Variants in CAMK2D observed in about 807,000 individuals in gnomAD.
CAMK2D encodes the protein calcium/calmodulin dependent protein kinase II delta.
A neutral mutation model predicts 84.0 loss-of-function variants in CAMK2D; 37 were observed. The observed-to-expected ratio is 0.44, with a 90% CI of 0.34 to 0.58. The LOEUF is 0.58. Among genes scored for constraint, CAMK2D ranks in the 20% least tolerant of loss-of-function variants. The probability of loss-of-function intolerance (pLI) is 0.02; values close to 1 mark genes in which losing one functional copy is unlikely to be tolerated. For synonymous variants in CAMK2D, 202 were observed against 212.5 expected (o/e 0.95, Z 0.43); for missense variants, 448 against 652.5 (o/e 0.69, Z 3.41).
At chr4:113,727,013 G>A (rs977148423) in intron 2 of CAMK2D, among the ~76,000 whole-genome samples, 3 of 152,270 alleles carry the variant, frequency 2.0e-5, no homozygotes, top group South Asian at 4.1e-4. Context: ...AAAGAGAGAG[G>A]AGACCCTATG....
chr4:113,757,417 T>G (rs1335942838), intron 2 of CAMK2D, among the ~76,000 whole-genome samples: 1 of 152,136 alleles, frequency 6.6e-6, no homozygotes, highest in African/African-American at 2.4e-5. Context: ...AACTAGTTAA[T>G]GTGCTCAAGA....
chr4:113,453,127 G>GAGA lies in CAMK2D; in HGVS notation c.*1415_*1417dup. 6.6e-6 allele frequency: 1 copy of GAGA among 152,294 alleles called. No individual in the cohort carries two copies. The highest frequency in any genetic ancestry group is 2.1e-4 in the South Asian group (1 of 4,820). 9.4% of individuals were successfully genotyped at this position (152,294 alleles called of 1,614,324 possible). On this transcript the variant is annotated 3_prime_UTR_variant, in exon 21 of 21. Coordinates refer to ENST00000511664, the MANE Select transcript of CAMK2D (RefSeq NM_001321571.2). ...GGAATTGAATCAACAAAGGAAAAATGAGAAGCACAAAGAAAACCTAGGACA... is the reference window on the plus strand; with the variant it reads ...GGAATTGAATCAACAAAGGAAAAATGAGAAGAAGCACAAAGAAAACCTAGGACA...
At position 113,569,071 on chromosome 4, in the gene CAMK2D, C is replaced by A. The variant is rs548626058; in HGVS notation, c.276-16975G>T. On this transcript the variant is annotated intron_variant, in intron 4 of 20. Transcript: ENST00000511664. ...TCATTAATTTTTCTTTTTGTAGAGA[C>A]AGGGTCTTGCTATGTTTCCCAGGCT... Among the ~76,000 whole-genome samples, 5 of 152,050 alleles carry A rather than the reference C, an allele frequency of 3.3e-5. 1 individual carries two copies. In the East Asian group the frequency reaches 9.7e-4, roughly 29 times the overall value.
At chr4:113,620,844 C>G (rs913894081) in intron 3 of CAMK2D, among the ~76,000 whole-genome samples, 1 of 152,092 alleles carries the variant, frequency 6.6e-6, no homozygotes, top group South Asian at 2.1e-4. Context: ...TTTTAAGAAC[C>G]AAATTTAAGA....
rs2097355912 is a variant in CAMK2D at position 113,460,213 on chromosome 4, A to G, written c.1240T>C (p.Phe414Leu). Residue 414 changes from phenylalanine to leucine, a missense_variant, in exon 18 of 21, where the codon TTT becomes CTT. Coordinates refer to ENST00000511664, the MANE Select transcript of CAMK2D (RefSeq NM_001321571.2). ...AAATTACCCAAAGCTTCAGGTTCAA[A>G]AGCAGTAAGGCCTGGGTCACAGATT... ...TKICDPGLTAFEPEALGNLVE... is the reference protein window; with the variant it reads ...TKICDPGLTALEPEALGNLVE... The G allele has an allele frequency of 6.2e-7, 1 of 1,604,800 alleles. No homozygotes were observed. The highest frequency in any genetic ancestry group is 8.5e-7 in the Non-Finnish European group (1 of 1,172,904).
At chr4:113,727,658 C>A (rs1166549146) in intron 2 of CAMK2D, among the ~76,000 whole-genome samples, 2 of 152,014 alleles carry the variant, frequency 1.3e-5, no homozygotes, top group African/African-American at 2.4e-5. Context: ...AAAGACAAAA[C>A]AAATTGGACT....
chr4:113,484,810 A>C (rs2097749538), intron 16 of CAMK2D, among the ~76,000 whole-genome samples: 1 of 152,156 alleles, frequency 6.6e-6, no homozygotes. Flanking sequence ...CTCATTATTT[A>C]GGACCTCATA....
chr4:113,600,573 T>C (rs2098947443), intron 4 of CAMK2D, among the ~76,000 whole-genome samples: 1 of 152,184 alleles, frequency 6.6e-6, no homozygotes, highest in South Asian at 2.1e-4. Context: ...ATAATAAATA[T>C]GGGAGGTGAT....
intron 5 of CAMK2D, among the ~76,000 whole-genome samples, chr4:113,551,214 A>G (rs1299796407): frequency 6.6e-6 from 1 of 152,210 alleles, no homozygotes; most frequent in Non-Finnish European, 1.5e-5. Flanking sequence ...AGTAACATCT[A>G]AGCAAGTGGT....
rs566468851 is a variant in CAMK2D at position 113,549,423 on chromosome 4, AT to A, written c.342-1708del. Among the ~76,000 whole-genome samples, 301 of 152,326 alleles carry A rather than the reference AT, an allele frequency of 2.0e-3. 1 individual carries two copies. The highest frequency in any genetic ancestry group is 7.0e-3 in the African/African-American group (289 of 41,568). The stretch of plus-strand genomic sequence containing the variant: ...ATACAAATTTACAATCCCCTGGAGC[AT>A]TGGTAATTATTAAACCCACTTCCAT... On this transcript the variant is annotated intron_variant, in intron 5 of 20. Coordinates refer to ENST00000511664, the MANE Select transcript of CAMK2D (RefSeq NM_001321571.2).
intron 2 of CAMK2D, among the ~76,000 whole-genome samples, chr4:113,681,746 A>G (rs796423453): frequency 1.8e-4 from 27 of 152,348 alleles, no homozygotes; most frequent in African/African-American, 6.0e-4. Context: ...GATCATGGAT[A>G]AAGACACCCA....
rs970273239 is a variant in CAMK2D, at chr4:113,657,296, T to C, written c.220+4417A>G. Among the ~76,000 whole-genome samples, 20 of 152,278 alleles carry C rather than the reference T, an allele frequency of 1.3e-4. No homozygotes were observed. In the South Asian group the frequency reaches 2.7e-3, roughly 21 times the overall value. ...TTAATTCTCTGCATAGAACAAATCC[T>C]TACGACATTATTATGGTGTTTTGTT... is the stretch of plus-strand genomic sequence containing the variant. On this transcript the variant is annotated intron_variant, in intron 3 of 20. Transcript: ENST00000511664.
intron 2 of CAMK2D, among the ~76,000 whole-genome samples, chr4:113,702,426 G>A (rs2099422704): frequency 2.0e-5 from 3 of 151,964 alleles, no homozygotes; most frequent in Admixed American, 6.6e-5. Flanking sequence ...ATGGCCAAAG[G>A]GACCATCATT....
chr4:113,508,293 G>C (rs1235622506), intron 13 of CAMK2D: 1 of 1,514,340 alleles, frequency 6.6e-7, no homozygotes, highest in Non-Finnish European at 9.0e-7. Context: ...CAAAGAGAAA[G>C]GAAAAGAAAA....
At position 113,633,082 on chromosome 4, in the gene CAMK2D, A is replaced by G. The variant is rs80116133; in HGVS notation, c.221-23876T>C. Among the ~76,000 whole-genome samples, 212 of 152,354 alleles carry G rather than the reference A, an allele frequency of 1.4e-3. 1 individual carries two copies. Among genetic ancestry groups the G allele is most frequent in the African/African-American group, 4.8e-3 (200 of 41,580 alleles). On this transcript the variant is annotated intron_variant, in intron 3 of 20. Coordinates refer to ENST00000511664, the MANE Select transcript of CAMK2D (RefSeq NM_001321571.2). ...TATAAAGTAAATTCTACTGAAGAAT[A>G]TATTAGAAAATTTGCAAGTAAATCA...
At chr4:113,696,357 T>C (rs28504373) in intron 2 of CAMK2D, among the ~76,000 whole-genome samples, 20,116 of 151,932 alleles carry the variant, frequency 0.13, 1,429 homozygotes, top group East Asian at 0.2. Context: ...CATTTTCTTC[T>C]GTTTTGATCC....
In CAMK2D at chr4:113,489,714, C is replaced by A. The variant is rs567499587; in HGVS notation, c.1135+10749G>T. On this transcript the variant is annotated intron_variant, in intron 16 of 20. Coordinates refer to ENST00000511664, the MANE Select transcript of CAMK2D (RefSeq NM_001321571.2). ...CAGTTCTAGATCCCTGAGGAATCGC[C>A]ACACTGACTTCCACAATGGTTGAAC... is the stretch of plus-strand genomic sequence containing the variant. Among the ~76,000 whole-genome samples, 11 of 148,258 alleles carry A rather than the reference C, an allele frequency of 7.4e-5. No homozygotes were observed. The East Asian group carries it at 2.0e-3, about 27-fold the overall frequency.
At chr4:113,631,418 T>C (rs778407377) in intron 3 of CAMK2D, among the ~76,000 whole-genome samples, 24 of 152,284 alleles carry the variant, frequency 1.6e-4, no homozygotes, top group Admixed American at 4.6e-4. Flanking sequence ...AGGTGGTACA[T>C]TGATAATTTT....
chr4:113,465,049 T>A (rs1401585987), intron 17 of CAMK2D, among the ~76,000 whole-genome samples: 2 of 152,174 alleles, frequency 1.3e-5, no homozygotes, highest in African/African-American at 4.8e-5. Flanking sequence ...CTTTTCTTTT[T>A]TGAGACAGGG....
Sources: allele counts gnomAD v4.1 joint callset (sites outside exome capture counted in the v4.1 genomes callset), GRCh38; gene constraint gnomAD v4.1.1; transcripts MANE v1.5; gene names NCBI Gene and HGNC (gene_info 2026-07-23, HGNC 2026-07-21).